Variants in COQ7 observed in about 807,000 individuals in gnomAD.
COQ7 encodes coenzyme Q7, hydroxylase, also known as NADPH-dependent 3-demethoxyubiquinone 3-hydroxylase, mitochondrial.
COQ7 carries 21 observed loss-of-function variants against 25.0 expected under a neutral mutation model. The ratio of observed to expected loss-of-function variants is 0.84; its 90% confidence interval spans 0.60 to 1.21. The LOEUF (loss-of-function observed/expected upper bound fraction) is 1.21, where lower values mean the gene tolerates loss of function less well. COQ7 is among the 50% of genes most tolerant of loss of function. The pLI is 0.00. For synonymous variants in COQ7, 125 were observed against 112.4 expected, an observed-to-expected ratio of 1.11 and a Z score of -0.71; for missense variants, 311 against 296.2, an observed-to-expected ratio of 1.05 and a Z score of -0.37.
chr16:19,071,930 T>TCTTC lies in COQ7; in HGVS notation c.76_77insCTTC (p.Tyr26SerfsTer75). 1 of 1,614,180 alleles carries TCTTC rather than the reference T, an allele frequency of 6.2e-7. No homozygotes were observed. The highest frequency in any genetic ancestry group is 8.5e-7 in the Non-Finnish European group (1 of 1,180,018). The stretch of plus-strand genomic sequence containing the variant: ...AAGAATAAACACTTGCATTTCAGCT[T>TCTTC]ATGGAAGAAGAACCAGTGTCAGATT... On this transcript the variant is annotated frameshift_variant, in exon 2 of 6. Coordinates refer to ENST00000321998, the MANE Select transcript of COQ7 (RefSeq NM_016138.5). LOFTEE classifies it high-confidence loss of function.
At chr16:19,075,328 A>G (rs925572158) in intron 3 of COQ7, among the ~76,000 whole-genome samples, 5 of 149,904 alleles carry the variant, frequency 3.3e-5, no homozygotes, top group African/African-American at 1.2e-4. Context: ...TCAGCCTCCC[A>G]AGTAGCTGGG....
Position 19,072,021 on chromosome 16 carries a change from A to T in COQ7, c.167A>T (p.Asp56Val). Residue 56 changes from aspartate (D) to valine (V), a missense_variant, in exon 2 of 6, where the codon GAT (aspartate) becomes GTT (valine). Coordinates refer to ENST00000321998, the MANE Select transcript of COQ7 (RefSeq NM_016138.5). ...RAAVDRIIRV[D>V]HAGEYGANRI... Reference sequence around the variant, plus strand: ...GCTGTGGATCGAATAATCCGGGTGGATCATGCAGGCGAATATGGAGCAAAC... The same window carrying T: ...GCTGTGGATCGAATAATCCGGGTGGTTCATGCAGGCGAATATGGAGCAAAC... The T allele has an allele frequency of 6.2e-7, 1 of 1,614,238 alleles. No individual in the cohort carries two copies. Among genetic ancestry groups the T allele is most frequent in the Admixed American group, 1.7e-5 (1 of 60,016 alleles).
chr16:19,077,590 C>CTATTTTTTTTTTTTTTT (rs1555522739), intron 5 of COQ7, among the ~76,000 whole-genome samples: 1 of 74,378 alleles, frequency 1.3e-5, no homozygotes. Context: ...TCCCCAGAAG[C>CTATTTTTTTTTTTTTTT]TTTTTTTTTT....
intron 1 of COQ7, among the ~76,000 whole-genome samples, chr16:19,071,040 G>A (rs768070677): frequency 1.3e-5 from 2 of 152,174 alleles, no homozygotes; most frequent in African/African-American, 2.4e-5. Context: ...AATTGATTTT[G>A]GAGCATAATG....
In COQ7 at chr16:19,078,973, CTG is replaced by C. The variant is rs1963003267; in HGVS notation, c.*819_*820del. 2 of 152,072 alleles carry C rather than the reference CTG, an allele frequency of 1.3e-5. No homozygotes were observed. Among genetic ancestry groups the C allele is most frequent in the South Asian group, 2.1e-4 (1 of 4,828 alleles). The allele number at this position is 152,072 out of a possible 1,614,324, so 9.4% of individuals were successfully genotyped here. A position where few individuals can be genotyped will look rare whatever the true frequency, so the allele number is the denominator to read the frequency against. ...TGGGAGAGTGCTACAGTCTGTATGT[CTG>C]TGTCTCCCTAGAATTCATACGATGA... is the stretch of plus-strand genomic sequence containing the variant. On this transcript the variant is annotated 3_prime_UTR_variant, in exon 6 of 6. Transcript: ENST00000321998.
At chr16:19,068,714 C>G in intron 1 of COQ7, 1 of 241,690 alleles carries the variant, frequency 4.1e-6, no homozygotes. Context: ...CGTTAAATTA[C>G]CGTGTACCAC....
chr16:19,081,122 A>C (rs1432353134), downstream of COQ7, among the ~76,000 whole-genome samples: 2 of 152,198 alleles, frequency 1.3e-5, no homozygotes, highest in African/African-American at 4.8e-5. Flanking sequence ...GAGTCAAGAA[A>C]ACTTTTATTT....
At chr16:19,081,396 A>C (rs554634598), downstream of COQ7, among the ~76,000 whole-genome samples, 21 of 151,936 alleles carry the variant, frequency 1.4e-4, no homozygotes, top group African/African-American at 5.1e-4. Flanking sequence ...CAGAGCCAAA[A>C]AAAAGGAGAA....
At chr16:19,072,256 G>A in intron 2 of COQ7, 150 bp downstream of exon 2, 2 of 834,508 alleles carry the variant, frequency 2.4e-6, no homozygotes, top group South Asian at 1.8e-5. Flanking sequence ...GAGATGGGGA[G>A]CAAAAAGCAT....
rs1567542649 is a variant in COQ7 at position 19,077,387 on chromosome 16, T to C, written c.576+13T>C. 6.2e-7 allele frequency: 1 copy of C among 1,612,310 alleles called. No individual in the cohort carries two copies. The highest frequency in any genetic ancestry group is 2.2e-5 in the East Asian group (1 of 44,862). On this transcript the variant is annotated intron_variant, in intron 5 of 5. Coordinates refer to ENST00000321998, the MANE Select transcript of COQ7 (RefSeq NM_016138.5). ...TGATGCAGAATTGGTAGGGCCCTAC[T>C]GTTACCTGTTCTGCTTTGGGACTCC...
At chr16:19,068,714 C>T (rs116031989) in intron 1 of COQ7, 91 of 241,688 alleles carry the variant, frequency 3.8e-4, no homozygotes, top group African/African-American at 2.0e-3. Flanking sequence ...CGTTAAATTA[C>T]CGTGTACCAC....
Position 19,078,116 on chromosome 16 carries a change from GGC to G in COQ7, c.613_614del (p.Ala205ArgfsTer48), listed in dbSNP as rs774554910. 25 of 1,612,014 alleles carry G rather than the reference GGC, an allele frequency of 1.6e-5. No homozygotes were observed. In the South Asian group the frequency reaches 2.6e-4, roughly 17 times the overall value. On this transcript the variant is annotated frameshift_variant, in exon 6 of 6. Transcript: ENST00000321998. LOFTEE classifies it high-confidence loss of function. The stretch of plus-strand genomic sequence containing the variant: ...ATGCCGTCCTGAAGAGCATTATCCA[GGC>G]CGGATGCAGAGTGGCGATATATTTA... ...AYAVLKSIIQ[A>X]GCRVAIYLSE...
At position 19,077,472 on chromosome 16, in the gene COQ7, G is replaced by T. The variant is rs1207067145; in HGVS notation, c.576+98G>T. 5 of 985,790 alleles carry T rather than the reference G, an allele frequency of 5.1e-6. No individual in the cohort carries two copies. In the African/African-American group the frequency reaches 8.1e-5, roughly 16 times the overall value. The allele number at this position is 985,790 out of a possible 1,614,324, so 61.1% of individuals were successfully genotyped here. ...TTGCCAGAAAAATACATTTTAAAGT[G>T]ACAGCGAAAGGGAGAGAAAACCAAT... is the stretch of plus-strand genomic sequence containing the variant. On this transcript the variant is annotated intron_variant, in intron 5 of 5. Transcript: ENST00000321998.
At chr16:19,073,348 CCAGGTGTAGTGG>C (rs1962664682) in intron 2 of COQ7, among the ~76,000 whole-genome samples, 1 of 152,018 alleles carries the variant, frequency 6.6e-6, no homozygotes, top group South Asian at 2.1e-4. Flanking sequence ...ACAAAATTAG[CCAGGTGTAGTGG>C]CATGTGACTG....
At chr16:19,080,763 TGTTAA>T (rs750328581), downstream of COQ7, among the ~76,000 whole-genome samples, 10 of 152,274 alleles carry the variant, frequency 6.6e-5, no homozygotes, top group East Asian at 5.8e-4. Flanking sequence ...AGGGTTATTA[TGTTAA>T]GTTATTGTAA....
intron 2 of COQ7, among the ~76,000 whole-genome samples, chr16:19,072,788 G>C (rs1962629682): frequency 6.6e-6 from 1 of 152,210 alleles, no homozygotes; most frequent in Admixed American, 6.5e-5. Context: ...TGAATTGCTT[G>C]CATGAAGCTA....
chr16:19,072,075 T>G lies in COQ7; in HGVS notation c.221T>G (p.Leu74Arg). The G allele has an allele frequency of 6.2e-7, 1 of 1,614,192 alleles. No homozygotes were observed. Among genetic ancestry groups the G allele is most frequent in the East Asian group, 2.2e-5 (1 of 44,878 alleles). The change falls in exon 2 of 6, where the codon CTG (leucine) becomes CGG (arginine). Residue 74 changes from leucine (L) to arginine (R), a missense_variant. By Grantham distance (102) the Leu-to-Arg change is moderately radical (BLOSUM62 -2). Coordinates refer to ENST00000321998, the MANE Select transcript of COQ7 (RefSeq NM_016138.5). ...ATCTATGCCGGGCAGATGGCTGTCC[T>G]GGGTCGGACCAGCGTCGGGCCAGTC... is the stretch of plus-strand genomic sequence containing the variant. ...NRIYAGQMAV[L>R]GRTSVGPVIQ...
chr16:19,068,072 C>T (rs1445109866), intron 1 of COQ7: 2 of 1,186,322 alleles, frequency 1.7e-6, no homozygotes, highest in African/African-American at 1.6e-5. Context: ...CTCCGGGAGT[C>T]TCTCTCTTTG....
downstream of COQ7, among the ~76,000 whole-genome samples, chr16:19,081,810 T>C (rs1378728366): frequency 6.6e-6 from 1 of 152,212 alleles, no homozygotes; most frequent in Non-Finnish European, 1.5e-5. Context: ...CTAGTTTTAT[T>C]AGTTGTTTTT....
Sources: allele counts gnomAD v4.1 joint callset (sites outside exome capture counted in the v4.1 genomes callset), GRCh38; gene constraint gnomAD v4.1.1; transcripts MANE v1.5; gene names NCBI Gene and HGNC (gene_info 2026-07-23, HGNC 2026-07-21).